The following KALRN variants were observed in gnomAD, a reference collection of about 807,000 sequenced individuals.
KALRN encodes kalirin RhoGEF kinase.
Under a neutral mutation model 353.7 loss-of-function variants are expected in KALRN, and 70 were observed. The ratio of observed to expected loss-of-function variants is 0.20; its 90% confidence interval spans 0.16 to 0.24. The LOEUF is 0.24. Among genes scored for constraint, KALRN ranks in the 10% least tolerant of loss-of-function variants. The pLI, the probability that KALRN is intolerant of heterozygous loss-of-function variation, is 1.00. For missense variants in KALRN, 2,791 were observed against 3,756.7 expected, an observed-to-expected ratio of 0.74 and a Z score of 6.72; for synonymous variants, 1,391 against 1,434.8, an observed-to-expected ratio of 0.97 and a Z score of 0.69.
chr3:124,494,673 T>A (rs1380024256), intron 32 of KALRN, among the ~76,000 whole-genome samples: 1 of 152,170 alleles, frequency 6.6e-6, no homozygotes, highest in Admixed American at 6.5e-5. Flanking sequence ...TGGGAGAAAA[T>A]ACTTTTTATG....
chr3:124,545,241 T>A lies in KALRN; in HGVS notation c.4936-17602T>A, dbSNP rs564640378. On this transcript the variant is annotated intron_variant, in intron 33 of 59. Coordinates refer to ENST00000682506, the MANE Select transcript of KALRN (RefSeq NM_001388419.1). ...AGCTCTTCACTCTTCGTTTGCTCTT[T>A]TTTTGTATAGGAAATGTAAAACCCT... Among the ~76,000 whole-genome samples, 131 of 152,346 alleles carry A rather than the reference T, an allele frequency of 8.6e-4. 3 individuals carry two copies. The South Asian group carries it at 0.025, about 29-fold the overall frequency.
chr3:124,430,695 G>C lies in KALRN; in HGVS notation c.2749G>C (p.Ala917Pro), dbSNP rs956518670. The C allele has an allele frequency of 6.2e-7, 1 of 1,614,168 alleles. No homozygotes were observed. ...CCGCAATGGAGAGTCAATGCTCAAC[G>C]CCAGCCTGGTCAATGCCAGCTCTTT... ...WIRNGESMLN[A>P]SLVNASSLSE... Residue 917 changes from alanine to proline, a missense_variant, in exon 16 of 60, where the codon GCC (alanine) becomes CCC (proline). Around this residue, in one of 11 missense-constraint regions of KALRN, gnomAD observed 452 missense variants for 575.8 expected, o/e 0.78. Transcript: ENST00000682506.
intron 1 of KALRN, among the ~76,000 whole-genome samples, chr3:124,176,726 G>A (rs1161876283): frequency 6.6e-6 from 1 of 152,122 alleles, no homozygotes; most frequent in Non-Finnish European, 1.5e-5. Flanking sequence ...TAGGTGCTCT[G>A]CTTGTCTGGT....
intron 1 of KALRN, among the ~76,000 whole-genome samples, chr3:124,155,719 T>C (rs1482770416): frequency 6.6e-6 from 1 of 152,208 alleles, no homozygotes; most frequent in African/African-American, 2.4e-5. Context: ...TTTCACAAGA[T>C]TCAACTGAAA....
At chr3:124,549,373 A>T (rs546785725) in intron 33 of KALRN, among the ~76,000 whole-genome samples, 14 of 151,270 alleles carry the variant, frequency 9.3e-5, no homozygotes, top group African/African-American at 3.4e-4. Context: ...ACATAATCTC[A>T]CACACACACA....
chr3:124,518,788 AG>A, intron 33 of KALRN: 1 of 1,254,690 alleles, frequency 8.0e-7, no homozygotes, highest in Non-Finnish European at 1.0e-6. Context: ...TCAGAACAGC[AG>A]GTACGCCCAG....
chr3:124,311,085 T>TC (rs1337519195), intron 6 of KALRN, among the ~76,000 whole-genome samples: 1 of 139,364 alleles, frequency 7.2e-6, no homozygotes, highest in Admixed American at 7.2e-5. Context: ...TTTTTTTTTT[T>TC]TTTTTTTGAG....
Position 124,713,096 on chromosome 3 carries a change from C to A in KALRN, c.8237C>A (p.Thr2746Asn). 1 of 1,613,982 alleles carries A rather than the reference C, an allele frequency of 6.2e-7. No individual in the cohort carries two copies. Among genetic ancestry groups the A allele is most frequent in the Non-Finnish European group, 8.5e-7 (1 of 1,179,932 alleles). The part of the protein sequence containing the change: ...QHPQYITLHD[T>N]YESPTSYILI... ...CCCCAGTACATCACTCTCCATGACACCTATGAGTCCCCCACATCCTACATC... is the reference window on the plus strand; with the variant it reads ...CCCCAGTACATCACTCTCCATGACAACTATGAGTCCCCCACATCCTACATC... The change falls in exon 58 of 60, where the codon ACC (threonine) becomes AAC (asparagine). Residue 2746 changes from threonine to asparagine, a missense_variant. Transcript: ENST00000682506.
intron 34 of KALRN, among the ~76,000 whole-genome samples, chr3:124,628,529 C>CTT: frequency 1.0e-5 from 1 of 95,290 alleles, no homozygotes. Context: ...CCTTTCCTTC[C>CTT]TTCCTTCCTT....
chr3:124,482,969 C>T, intron 28 of KALRN, 69 bp downstream of exon 28: 1 of 1,077,290 alleles, frequency 9.3e-7, no homozygotes, highest in Non-Finnish European at 1.4e-6. Context: ...CCAGCTTTGG[C>T]CCCTAAGGAT....
intron 10 of KALRN, among the ~76,000 whole-genome samples, chr3:124,370,382 G>A (rs2085677224): frequency 6.6e-6 from 1 of 152,196 alleles, no homozygotes; most frequent in African/African-American, 2.4e-5. Flanking sequence ...AGGGGAGAAG[G>A]ACTGTCTGGT....
intron 21 of KALRN, among the ~76,000 whole-genome samples, chr3:124,453,191 C>G (rs1048977076): frequency 2.0e-5 from 3 of 152,086 alleles, no homozygotes; most frequent in African/African-American, 7.2e-5. Context: ...TCTATCTTAA[C>G]CAATTCTCCC....
At chr3:124,391,383 G>A (rs118172365) in intron 11 of KALRN, among the ~76,000 whole-genome samples, 162 of 152,242 alleles carry the variant, frequency 1.1e-3, no homozygotes, top group East Asian at 4.2e-3. Flanking sequence ...GAAAAAACAC[G>A]CGTGGTTGCT....
At chr3:124,146,927 A>T (rs1380106972) in intron 1 of KALRN, among the ~76,000 whole-genome samples, 1 of 149,750 alleles carries the variant, frequency 6.7e-6, no homozygotes, top group Non-Finnish European at 1.5e-5. Context: ...GGGTTAGTAA[A>T]TCCTGGAAAC....
intron 1 of KALRN, among the ~76,000 whole-genome samples, chr3:124,085,429 G>A (rs538106148): frequency 2.4e-4 from 37 of 152,264 alleles, no homozygotes; most frequent in Non-Finnish European, 4.1e-4. Flanking sequence ...TGCTTGTTAT[G>A]GAGAACCCAT....
intron 27 of KALRN, among the ~76,000 whole-genome samples, chr3:124,478,036 ACAATC>A (rs2061591663): frequency 6.6e-6 from 1 of 152,208 alleles, no homozygotes; most frequent in Non-Finnish European, 1.5e-5. Flanking sequence ...GAATTATGAC[ACAATC>A]CTGTTGGCAA....
rs1561137004 is a variant in KALRN, at chr3:124,495,992, TATATATATATATATATATATACACAC to T, written c.4833-317_4833-292del. On this transcript the variant is annotated intron_variant, in intron 32 of 59. Coordinates refer to ENST00000682506, the MANE Select transcript of KALRN (RefSeq NM_001388419.1). ...ATATATATATATATATATATATATA[TATATATATATATATATATATACACAC>T]ACATATATACATACATACACCCCCT... Among the ~76,000 whole-genome samples the T allele has an allele frequency of 9.8e-4, 55 of 55,904 alleles. 9 individuals carry two copies. Among genetic ancestry groups the T allele is most frequent in the African/African-American group, 1.1e-3 (11 of 9,776 alleles). 36.7% of individuals were successfully genotyped at this position (55,904 alleles called of 152,430 possible).
intron 11 of KALRN, among the ~76,000 whole-genome samples, chr3:124,389,735 C>T (rs2089033678): frequency 1.3e-5 from 2 of 152,270 alleles, no homozygotes; most frequent in South Asian, 2.1e-4. Flanking sequence ...TCCAGTACAA[C>T]ACAATTTCAA....
chr3:124,466,543 C>T (rs1432724208), intron 25 of KALRN, among the ~76,000 whole-genome samples: 1 of 152,194 alleles, frequency 6.6e-6, no homozygotes, highest in African/African-American at 2.4e-5. Flanking sequence ...TTAAAATGCT[C>T]ATCACCTTCT....
Sources: allele counts gnomAD v4.1 joint callset (sites outside exome capture counted in the v4.1 genomes callset), GRCh38; gene constraint gnomAD v4.1.1; regional missense constraint gnomAD v4.1.1; transcripts MANE v1.5; gene names NCBI Gene and HGNC (gene_info 2026-07-23, HGNC 2026-07-21).